The following COL4A4 variants were observed in gnomAD, a reference collection of about 807,000 sequenced individuals.
COL4A4 encodes collagen type IV alpha 4 chain, also known as collagen alpha-4(IV) chain.
In COL4A4, 105 loss-of-function variants were observed where a neutral mutation model predicts 192.9. That is an observed-to-expected ratio of 0.54 (90% CI 0.46 to 0.64). The LOEUF (loss-of-function observed/expected upper bound fraction) is 0.64. Among genes scored for constraint, COL4A4 ranks in the 30% least tolerant of loss-of-function variants. The probability of loss-of-function intolerance (pLI) is 0.00; values close to 1 mark genes in which losing one functional copy is unlikely to be tolerated. For missense variants in COL4A4, 1,967 were observed against 2,169.3 expected, an observed-to-expected ratio of 0.91 and a Z score of 1.85; for synonymous variants, 762 against 769.9, an observed-to-expected ratio of 0.99 and a Z score of 0.17.
Position 227,077,669 on chromosome 2 carries a change from A to T in COL4A4, c.1987+225T>A, listed in dbSNP as rs189678115. Among the ~76,000 whole-genome samples the T allele has an allele frequency of 3.4e-3, 490 of 144,744 alleles. 3 individuals are homozygous for T. The highest frequency in any genetic ancestry group is 0.014 in the African/African-American group (475 of 34,652). The allele number at this position is 144,744 out of a possible 152,430, so 95.0% of individuals were successfully genotyped here. A position where few individuals can be genotyped will look rare whatever the true frequency, so the allele number is the denominator to read the frequency against. On this transcript the variant is annotated intron_variant, in intron 25 of 47. Coordinates refer to ENST00000396625, the MANE Select transcript of COL4A4 (RefSeq NM_000092.5). ...CCAGAACTTAAAGTAAAATTAAAGA[A>T]AAAGAAAAAGAAAAACACTTGAATA... is the stretch of plus-strand genomic sequence containing the variant.
At position 227,043,168 on chromosome 2, in the gene COL4A4, G is replaced by A. The variant is rs200065408; in HGVS notation, c.3306C>T (p.Ser1102=). The change falls in exon 36 of 48, where the codon TCC becomes TCT. Residue 1102 remains serine, a synonymous_variant. Transcript: ENST00000396625. ...GAATACCAGGCAAGCCCTGCTCTCCGGATGCTCCAAAATGCCCTAAAGAAG... is the reference window on the plus strand; with the variant it reads ...GAATACCAGGCAAGCCCTGCTCTCCAGATGCTCCAAAATGCCCTAAAGAAG... ...SPGCPGHFGA[S]GEQGLPGIQG... The A allele has an allele frequency of 1.0e-4, 161 of 1,614,048 alleles. 1 individual carries two copies. Among genetic ancestry groups the A allele is most frequent in the African/African-American group, 5.6e-4 (42 of 75,042 alleles).
intron 37 of COL4A4, among the ~76,000 whole-genome samples, chr2:227,035,124 G>A (rs541845288): frequency 2.6e-5 from 4 of 152,120 alleles, no homozygotes; most frequent in South Asian, 2.1e-4. Flanking sequence ...TTGGGTGACT[G>A]TCTCCCCTGC....
the COL4A4 span, among the ~76,000 whole-genome samples, chr2:226,995,074 G>A: frequency 5.3e-5 from 8 of 151,906 alleles, no homozygotes; most frequent in African/African-American, 1.5e-4. Flanking sequence ...GTTAGTAAAG[G>A]TGGCAACAAG....
the COL4A4 span, among the ~76,000 whole-genome samples, chr2:226,985,947 C>A: frequency 6.6e-6 from 1 of 152,196 alleles, no homozygotes; most frequent in South Asian, 2.1e-4. Flanking sequence ...AGAAAAAGTT[C>A]AAAGTGGAGA....
At chr2:227,151,045 T>G (rs1191896761) in intron 1 of COL4A4, among the ~76,000 whole-genome samples, 1 of 152,198 alleles carries the variant, frequency 6.6e-6, no homozygotes, top group East Asian at 1.9e-4. Context: ...TAAATCATAA[T>G]GTCACAGCAG....
At position 227,091,902 on chromosome 2, in the gene COL4A4, AAAAGAAAG is replaced by A. The variant is rs1235172590; in HGVS notation, c.1370-1953_1370-1946del. On this transcript the variant is annotated intron_variant, in intron 20 of 47. Transcript: ENST00000396625. ...GAGTAACACTCTGTCTCAGGAAGAA[AAAAGAAAG>A]AAAGAAAGAAAGAAAGAAAAGAAAA... is the stretch of plus-strand genomic sequence containing the variant. 7.5e-5 allele frequency among the ~76,000 whole-genome samples: 8 copies of A among 106,594 alleles called. No homozygotes were observed. In the East Asian group the frequency reaches 8.0e-4, roughly 11 times the overall value. The allele number at this position is 106,594 out of a possible 152,430, so 69.9% of individuals were successfully genotyped here. A position where few individuals can be genotyped will look rare whatever the true frequency, so the allele number is the denominator to read the frequency against.
At chr2:227,033,577 G>T in intron 37 of COL4A4, 96 bp from the exon 38 acceptor site, 2 of 1,024,320 alleles carry the variant, frequency 2.0e-6, no homozygotes, top group Non-Finnish European at 3.0e-6. Context: ...AGGGCGCGTT[G>T]CTGGGGCCAG....
chr2:227,049,952 G>A (rs1173093085), intron 34 of COL4A4, 116 bp downstream of exon 34: 9 of 914,064 alleles, frequency 9.8e-6, no homozygotes, highest in African/African-American at 1.6e-5. Context: ...GAGCCCCTTG[G>A]GTGTTGCAGT....
intron 25 of COL4A4, among the ~76,000 whole-genome samples, chr2:227,065,605 C>T (rs2058277401): frequency 6.6e-6 from 1 of 152,178 alleles, no homozygotes; most frequent in Non-Finnish European, 1.5e-5. Flanking sequence ...GGAGGCACCC[C>T]CCAGCAGGGG....
intron 20 of COL4A4, 38 bp from the exon 21 acceptor site, chr2:227,089,995 A>C (rs749694410): frequency 2.0e-5 from 31 of 1,537,850 alleles, no homozygotes; most frequent in Non-Finnish European, 2.8e-5. Context: ...AGAGAATCAC[A>C]TAATTTTTCT....
intron 19 of COL4A4, among the ~76,000 whole-genome samples, chr2:227,096,459 T>C (rs567776550): frequency 6.6e-6 from 1 of 152,350 alleles, no homozygotes; most frequent in South Asian, 2.1e-4. Context: ...TGGCTGTCAT[T>C]ATTGTGTCCA....
chr2:227,113,823 G>T (rs1026346266), intron 8 of COL4A4, among the ~76,000 whole-genome samples: 6 of 152,154 alleles, frequency 3.9e-5, no homozygotes, highest in African/African-American at 1.2e-4. Context: ...ACAGAACCTA[G>T]GGTCTCATAG....
chr2:226,995,506 G>C, the COL4A4 span: 1 of 1,611,034 alleles, frequency 6.2e-7, no homozygotes, highest in Non-Finnish European at 8.5e-7. Flanking sequence ...CGGCTTCACA[G>C]ATTCGATAGC....
intron 4 of COL4A4, among the ~76,000 whole-genome samples, chr2:227,121,737 ATATG>A (rs572012081): frequency 2.0e-5 from 3 of 152,192 alleles, no homozygotes; most frequent in South Asian, 2.1e-4. Flanking sequence ...GCACATGTGT[ATATG>A]TATGTATGTG....
chr2:226,985,231 T>C, the COL4A4 span, among the ~76,000 whole-genome samples: 7 of 152,300 alleles, frequency 4.6e-5, no homozygotes, highest in East Asian at 7.7e-4. Context: ...GGTTAAACTA[T>C]CTACATTCAT....
chr2:226,972,608 C>A, the COL4A4 span, among the ~76,000 whole-genome samples: 3 of 152,154 alleles, frequency 2.0e-5, no homozygotes, highest in African/African-American at 7.2e-5. Context: ...TGGGTCAAGG[C>A]AGGAGCTGGA....
At chr2:226,994,235 T>C in the COL4A4 span, among the ~76,000 whole-genome samples, 5 of 152,174 alleles carry the variant, frequency 3.3e-5, no homozygotes, top group Non-Finnish European at 7.3e-5. Context: ...ACAGCTACTG[T>C]GTGTTCAGAA....
rs574734695 is a variant in COL4A4 at position 227,033,845 on chromosome 2, C to G, written c.3506-364G>C. On this transcript the variant is annotated intron_variant, in intron 37 of 47. Coordinates refer to ENST00000396625, the MANE Select transcript of COL4A4 (RefSeq NM_000092.5). ...CATGAGGAAAGAGATCGGATGGGAG[C>G]AAATCCAGGCCTCACACCTCCCAGG... Among the ~76,000 whole-genome samples the G allele has an allele frequency of 1.1e-4, 17 of 152,254 alleles. No individual in the cohort carries two copies. The East Asian group carries it at 3.3e-3, about 29-fold the overall frequency.
At chr2:226,977,886 T>C in the COL4A4 span, among the ~76,000 whole-genome samples, 1 of 152,232 alleles carries the variant, frequency 6.6e-6, no homozygotes, top group African/African-American at 2.4e-5. Context: ...ATGAAGAGTT[T>C]GCATTTTAAC....
Sources: allele counts gnomAD v4.1 joint callset (sites outside exome capture counted in the v4.1 genomes callset), GRCh38; gene constraint gnomAD v4.1.1; transcripts MANE v1.5; gene names NCBI Gene and HGNC (gene_info 2026-07-23, HGNC 2026-07-21).